Variants in HK1 observed in about 807,000 individuals in gnomAD.
The protein encoded by HK1 is hexokinase 1.
HK1 carries 28 observed loss-of-function variants against 91.6 expected under a neutral mutation model. The ratio of observed to expected loss-of-function variants is 0.31; its 90% CI spans 0.23 to 0.42. HK1 has a LOEUF of 0.42. HK1 is among the 10% of genes least tolerant of loss of function. The probability of loss-of-function intolerance (pLI) is 1.00; values close to 1 mark genes in which losing one functional copy is unlikely to be tolerated. For synonymous variants in HK1, 430 were observed against 468.1 expected, an observed-to-expected ratio of 0.92 and a Z score of 1.05; for missense variants, 770 against 1,219.8, an observed-to-expected ratio of 0.63 and a Z score of 5.49.
At chr10:69,343,218 C>T (rs1280017610) in intron 1 of HK1, among the ~76,000 whole-genome samples, 2 of 152,186 alleles carry the variant, frequency 1.3e-5, no homozygotes, top group African/African-American at 4.8e-5. Flanking sequence ...AAGTCTTGCC[C>T]ATGGACACCT....
intron 2 of HK1, among the ~76,000 whole-genome samples, chr10:69,353,175 G>A (rs1460007490): frequency 6.6e-6 from 1 of 152,158 alleles, no homozygotes; most frequent in Non-Finnish European, 1.5e-5. Flanking sequence ...GTGATCAGAG[G>A]GTTGCTGTCA....
At position 69,364,844 on chromosome 10, in the gene HK1, A is replaced by G. The variant is rs1206216637; in HGVS notation, c.437A>G (p.Lys146Arg). 1.2e-6 allele frequency: 2 copies of G among 1,614,166 alleles called. No homozygotes were observed. The highest frequency in any genetic ancestry group is 4.5e-5 in the East Asian group (2 of 44,882). The change falls in exon 4 of 18, where the codon AAG (lysine) becomes AGG (arginine). Residue 146 changes from lysine to arginine, a missense_variant. Coordinates refer to ENST00000359426, the MANE Select transcript of HK1 (RefSeq NM_000188.3). ...DFMEKRKIKD[K>R]KLPVGFTFSF... is the part of the protein sequence containing the mutation. Reference sequence around the variant, plus strand: ...ATGGAGAAAAGGAAGATCAAGGACAAGAAGTTACCTGTGGGATTCACGTTT... The same window carrying G: ...ATGGAGAAAAGGAAGATCAAGGACAGGAAGTTACCTGTGGGATTCACGTTT...
intron 3 of HK1, among the ~76,000 whole-genome samples, chr10:69,294,719 G>A (rs1845468849): frequency 6.6e-6 from 1 of 152,072 alleles, no homozygotes; most frequent in Admixed American, 6.6e-5. Flanking sequence ...ATAATTAGCC[G>A]GGTGTGGTGG....
chr10:69,398,090 A>G (rs1376923774), intron 16 of HK1, among the ~76,000 whole-genome samples: 2 of 152,258 alleles, frequency 1.3e-5, no homozygotes, highest in Non-Finnish European at 2.9e-5. Flanking sequence ...GCACACAAAG[A>G]TTTATAAACA....
At chr10:69,335,294 C>T (rs1847921809) in intron 1 of HK1, among the ~76,000 whole-genome samples, 1 of 152,222 alleles carries the variant, frequency 6.6e-6, no homozygotes, top group South Asian at 2.1e-4. Context: ...GGCTGTTGAA[C>T]TTCCTTCCCA....
At chr10:69,389,126 G>A in intron 13 of HK1, 71 bp from the exon 14 acceptor site, 1 of 1,187,806 alleles carries the variant, frequency 8.4e-7, no homozygotes, top group Non-Finnish European at 1.2e-6. Flanking sequence ...CAGTGCAACA[G>A]ACAGAACCGG....
intron 2 of HK1, among the ~76,000 whole-genome samples, chr10:69,283,326 T>C (rs1052780481): frequency 6.8e-6 from 1 of 147,182 alleles, no homozygotes; most frequent in Non-Finnish European, 1.5e-5. Flanking sequence ...TGGTGGTGCA[T>C]GCCTGTGGTC....
At chr10:69,362,161 G>A (rs1465260152) in intron 3 of HK1, among the ~76,000 whole-genome samples, 1 of 152,218 alleles carries the variant, frequency 6.6e-6, no homozygotes, top group Non-Finnish European at 1.5e-5. Flanking sequence ...ATTTTGAATA[G>A]TAAATGTTTT....
intron 7 of HK1, among the ~76,000 whole-genome samples, chr10:69,370,681 G>A (rs1225983159): frequency 6.6e-6 from 1 of 152,176 alleles, no homozygotes; most frequent in Non-Finnish European, 1.5e-5. Context: ...GTGCAGAGGA[G>A]TTGGGGTAAG....
intron 15 of HK1, among the ~76,000 whole-genome samples, chr10:69,393,005 G>T (rs1589586533): frequency 6.6e-6 from 1 of 152,180 alleles, no homozygotes; most frequent in Non-Finnish European, 1.5e-5. Flanking sequence ...GTTTGAGGTG[G>T]AGTTTTGCTC....
intron 9 of HK1, among the ~76,000 whole-genome samples, chr10:69,381,779 C>T (rs964713510): frequency 2.6e-5 from 4 of 152,156 alleles, no homozygotes; most frequent in Non-Finnish European, 5.9e-5. Flanking sequence ...GTCTTGAACT[C>T]CTGACCTCAG....
chr10:69,378,288 A>C (rs142197856), intron 8 of HK1, among the ~76,000 whole-genome samples: 2 of 151,794 alleles, frequency 1.3e-5, no homozygotes, highest in Non-Finnish European at 2.9e-5. Context: ...GAAAGCATGT[A>C]TATTATAATA....
At chr10:69,388,421 T>C (rs1372632897) in intron 13 of HK1, among the ~76,000 whole-genome samples, 1 of 147,344 alleles carries the variant, frequency 6.8e-6, no homozygotes, top group African/African-American at 2.5e-5. Flanking sequence ...CACTCCAGCC[T>C]GGGTGACAGA....
intron 10 of HK1, 104 bp from the exon 11 acceptor site, chr10:69,384,229 T>C: frequency 7.3e-7 from 1 of 1,374,274 alleles, no homozygotes. Flanking sequence ...CTCCTCTATG[T>C]TTGCTATGGG....
chr10:69,319,016 C>T lies in HK1; in HGVS notation c.63+6C>T, dbSNP rs774699464. 3 of 1,595,820 alleles carry T rather than the reference C, an allele frequency of 1.9e-6. No individual in the cohort carries two copies. Among genetic ancestry groups the T allele is most frequent in the Non-Finnish European group, 2.6e-6 (3 of 1,172,064 alleles). Reference sequence around the variant, plus strand: ...AGGATGACCAGGTCAAAAAGGTGAGCCCCCGCCCGCGCCGCCGCTGGTCCT... The same window carrying T: ...AGGATGACCAGGTCAAAAAGGTGAGTCCCCGCCCGCGCCGCCGCTGGTCCT... On this transcript the variant is annotated splice_donor_region_variant and intron_variant, in intron 1 of 17. Transcript: ENST00000359426.
intron 3 of HK1, chr10:69,288,881 G>A (rs1001454396): frequency 1.1e-6 from 1 of 877,522 alleles, no homozygotes; most frequent in Non-Finnish European, 1.8e-6. Flanking sequence ...CTGCCTCCCG[G>A]GTTCAAGCGA....
At chr10:69,336,588 T>A (rs182249272) in intron 1 of HK1, among the ~76,000 whole-genome samples, 4 of 151,394 alleles carry the variant, frequency 2.6e-5, no homozygotes, top group Admixed American at 2.6e-4. Flanking sequence ...GCATATTGCC[T>A]CCCAGCTTTA....
At chr10:69,353,754 G>A (rs1214038375) in intron 2 of HK1, among the ~76,000 whole-genome samples, 1 of 152,100 alleles carries the variant, frequency 6.6e-6, no homozygotes, top group Non-Finnish European at 1.5e-5. Flanking sequence ...TTTCTCCCAT[G>A]CCCCTCCCTG....
chr10:69,389,135 G>A (rs988061218), intron 13 of HK1, 62 bp from the exon 14 acceptor site: 10 of 1,279,670 alleles, frequency 7.8e-6, no homozygotes, highest in Middle Eastern at 4.4e-4. Flanking sequence ...AGACAGAACC[G>A]GCAGCATTCA....
Sources: allele counts gnomAD v4.1 joint callset (sites outside exome capture counted in the v4.1 genomes callset), GRCh38; gene constraint gnomAD v4.1.1; transcripts MANE v1.5; gene names NCBI Gene and HGNC (gene_info 2026-07-23, HGNC 2026-07-21).